The following CAMTA1 variants were observed in gnomAD, a reference collection of about 807,000 sequenced individuals.
CAMTA1 encodes the protein calmodulin-binding transcription activator 1.
Under a neutral mutation model 170.9 loss-of-function variants are expected in CAMTA1, and 27 were observed. The ratio of observed to expected loss-of-function variants is 0.16; its 90% CI spans 0.12 to 0.22. The LOEUF (loss-of-function observed/expected upper bound fraction) is 0.22, where lower values mean the gene tolerates loss of function less well. Ranked by LOEUF, CAMTA1 falls within the 10% of genes least tolerant of loss-of-function variation. The probability of loss-of-function intolerance (pLI) is 1.00; values close to 1 mark genes in which losing one functional copy is unlikely to be tolerated. For synonymous variants in CAMTA1, 833 were observed against 891.5 expected (o/e 0.93, Z 1.17); for missense variants, 1,619 against 2,217.2 (o/e 0.73, Z 5.42).
At chr1:7,478,760 G>A (rs1224780593) in intron 6 of CAMTA1, among the ~76,000 whole-genome samples, 3 of 152,144 alleles carry the variant, frequency 2.0e-5, no homozygotes, top group Non-Finnish European at 2.9e-5. Context: ...ATCCTTCAAA[G>A]ATGTGGAGAA....
chr1:7,629,892 C>T (rs1003813161), intron 6 of CAMTA1, among the ~76,000 whole-genome samples: 5 of 152,150 alleles, frequency 3.3e-5, no homozygotes, highest in Admixed American at 1.3e-4. Context: ...AGTGGCAGCT[C>T]GAGCTGCCAG....
In CAMTA1 at chr1:7,547,889, C is replaced by T. The variant is rs181151376; in HGVS notation, c.510+79988C>T. Among the ~76,000 whole-genome samples the T allele has an allele frequency of 2.6e-5, 4 of 152,198 alleles. No individual in the cohort carries two copies. Among genetic ancestry groups the T allele is most frequent in the African/African-American group, 9.6e-5 (4 of 41,542 alleles). On this transcript the variant is annotated intron_variant, in intron 6 of 22. Transcript: ENST00000303635. This position sits in a 1 kb window ranked among gnomAD's most constrained non-coding sequence, Gnocchi z 5.7. ...AGGGCACTCCACTGTGTGGACCCCC[C>T]ACTCACCCGTCAATATGCCCTTATG... is the stretch of plus-strand genomic sequence containing the variant.
intron 3 of CAMTA1, among the ~76,000 whole-genome samples, chr1:6,922,678 C>T (rs560408222): frequency 5.3e-5 from 8 of 152,012 alleles, no homozygotes; most frequent in Admixed American, 1.3e-4. Context: ...TCCCTCCTGC[C>T]GAGTTCTATT....
intron 5 of CAMTA1, among the ~76,000 whole-genome samples, chr1:7,405,381 G>T (rs1478892628): frequency 6.6e-6 from 1 of 151,884 alleles, no homozygotes; most frequent in South Asian, 2.1e-4. Flanking sequence ...TGCTGTTGTT[G>T]TTATTTTGAG....
At chr1:7,208,280 A>G (rs74051187) in intron 4 of CAMTA1, among the ~76,000 whole-genome samples, 67 of 152,274 alleles carry the variant, frequency 4.4e-4, no homozygotes, top group African/African-American at 1.5e-3. Flanking sequence ...TTCATTGTGC[A>G]TTCATTCATT....
At chr1:7,603,052 T>G (rs1414612746) in intron 6 of CAMTA1, among the ~76,000 whole-genome samples, 1 of 152,204 alleles carries the variant, frequency 6.6e-6, no homozygotes, top group Non-Finnish European at 1.5e-5. Flanking sequence ...GAGAGACAGC[T>G]TGTTATAATT....
chr1:7,276,295 A>ATTT (rs1558345332), intron 5 of CAMTA1, among the ~76,000 whole-genome samples: 1 of 21,268 alleles, frequency 4.7e-5, no homozygotes, highest in African/African-American at 5.3e-4. Flanking sequence ...ATATATATAT[A>ATTT]TATATATATT....
chr1:6,817,724 C>T (rs917364229), intron 1 of CAMTA1, among the ~76,000 whole-genome samples: 3 of 152,156 alleles, frequency 2.0e-5, no homozygotes, highest in African/African-American at 7.2e-5. Flanking sequence ...GGCTCAAATT[C>T]CTGGCTCAAG....
rs1038326839 is a variant in CAMTA1 at position 7,224,610 on chromosome 1, C to G, written c.303-24881C>G. On this transcript the variant is annotated intron_variant, in intron 4 of 22. Coordinates refer to ENST00000303635, the MANE Select transcript of CAMTA1 (RefSeq NM_015215.4). The surrounding 1 kb of genome is among the most constrained non-coding windows in gnomAD (Gnocchi z 5.2). ...TACAGGAGCACAAAACTCATGAATTCCGTCCCTGCTCAAGCGGGGTCCCAG... is the reference window on the plus strand; with the variant it reads ...TACAGGAGCACAAAACTCATGAATTGCGTCCCTGCTCAAGCGGGGTCCCAG... Among the ~76,000 whole-genome samples the G allele has an allele frequency of 7.2e-5, 11 of 152,176 alleles. No homozygotes were observed. The highest frequency in any genetic ancestry group is 2.7e-4 in the African/African-American group (11 of 41,438).
chr1:7,475,606 C>T (rs781319722), intron 6 of CAMTA1, among the ~76,000 whole-genome samples: 4 of 152,156 alleles, frequency 2.6e-5, no homozygotes, highest in Non-Finnish European at 4.4e-5. Context: ...TGGCTGATGC[C>T]GAGGTGCCCC....
At chr1:6,926,423 CTCTTTCTTTCTTTTCTCTTTCTT>C (rs1454630318) in intron 3 of CAMTA1, among the ~76,000 whole-genome samples, 160 of 134,342 alleles carry the variant, frequency 1.2e-3, no homozygotes, top group Middle Eastern at 8.6e-3. Flanking sequence ...CTTTTCTTTT[CTCTTTCTTTCTTTTCTCTTTCTT>C]TCTTTCTTTC....
chr1:6,949,391 C>G (rs1234861511), intron 3 of CAMTA1, among the ~76,000 whole-genome samples: 2 of 152,242 alleles, frequency 1.3e-5, no homozygotes, highest in African/African-American at 4.8e-5. Flanking sequence ...CAGGGGGTCC[C>G]CATTCTATAG....
At chr1:7,450,682 T>C (rs1198684335) in intron 5 of CAMTA1, among the ~76,000 whole-genome samples, 1 of 152,240 alleles carries the variant, frequency 6.6e-6, no homozygotes, top group Non-Finnish European at 1.5e-5. Context: ...TAGTTGCAGG[T>C]GACAGAAAAC....
intron 3 of CAMTA1, among the ~76,000 whole-genome samples, chr1:7,053,657 G>T (rs946157246): frequency 6.6e-6 from 1 of 152,154 alleles, no homozygotes; most frequent in Non-Finnish European, 1.5e-5. Flanking sequence ...GGGGACACAG[G>T]CATCTTGGCC....
At chr1:7,432,610 T>C (rs1331851394) in intron 5 of CAMTA1, among the ~76,000 whole-genome samples, 1 of 152,188 alleles carries the variant, frequency 6.6e-6, no homozygotes, top group Non-Finnish European at 1.5e-5. Flanking sequence ...GCCAGTGCTC[T>C]GCCTCCGTCC....
intron 11 of CAMTA1, among the ~76,000 whole-genome samples, chr1:7,729,118 TTTTTTC>T (rs1392413812): frequency 6.8e-6 from 1 of 147,302 alleles, no homozygotes. Context: ...AGGAATCTTT[TTTTTTC>T]TTTTTTTTTT....
At chr1:7,021,597 A>T (rs913525932) in intron 3 of CAMTA1, among the ~76,000 whole-genome samples, 2 of 152,140 alleles carry the variant, frequency 1.3e-5, no homozygotes, top group African/African-American at 2.4e-5. Context: ...CAGGAGGGAC[A>T]TTGGATGAGG....
intron 6 of CAMTA1, among the ~76,000 whole-genome samples, chr1:7,583,045 G>A (rs1262369053): frequency 7.2e-5 from 11 of 152,090 alleles, no homozygotes. Context: ...CCTTCCAGTG[G>A]CCATCAGCTA....
chr1:7,044,993 A>G lies in CAMTA1; in HGVS notation c.235-46311A>G, dbSNP rs1572657656. On this transcript the variant is annotated intron_variant, in intron 3 of 22. Transcript: ENST00000303635. This position sits in a 1 kb window ranked among gnomAD's most constrained non-coding sequence, Gnocchi z 5.0. ...GCCTCTTCATAAACCCAGTGAATAA[A>G]TCTCTTCAATTGTTGAGACTCCTGT... Among the ~76,000 whole-genome samples the G allele has an allele frequency of 6.6e-6, 1 of 152,190 alleles. No individual in the cohort carries two copies. Among genetic ancestry groups the G allele is most frequent in the East Asian group, 1.9e-4 (1 of 5,184 alleles).
Sources: allele counts gnomAD v4.1 joint callset (sites outside exome capture counted in the v4.1 genomes callset), GRCh38; gene constraint gnomAD v4.1.1; non-coding constraint Gnocchi (gnomAD v3.1); transcripts MANE v1.5; gene names NCBI Gene and HGNC (gene_info 2026-07-23, HGNC 2026-07-21).